CSE1L: variants seen among roughly 807,000 people sequenced by gnomAD.
The protein encoded by CSE1L is chromosome segregation 1 like, also known as exportin-2.
CSE1L carries 24 observed loss-of-function variants against 120.4 expected under a neutral mutation model. That is an observed-to-expected ratio of 0.20 (90% CI 0.14 to 0.28). CSE1L has a LOEUF of 0.28. Ranked by LOEUF, CSE1L falls within the 10% of genes least tolerant of loss-of-function variation. The pLI, the probability that CSE1L is intolerant of heterozygous loss-of-function variation, is 1.00. For synonymous variants in CSE1L, 402 were observed against 398.3 expected (o/e 1.01, Z -0.11); for missense variants, 830 against 1,145.2 (o/e 0.72, Z 3.97).
chr20:49,070,632 C>T (rs1241915173), intron 8 of CSE1L, among the ~76,000 whole-genome samples: 1 of 152,072 alleles, frequency 6.6e-6, no homozygotes, highest in Non-Finnish European at 1.5e-5. Flanking sequence ...ATGGTAGCCC[C>T]TTTTTAAAAA....
At chr20:49,073,177 A>G (rs1048679629) in intron 10 of CSE1L, among the ~76,000 whole-genome samples, 1 of 151,832 alleles carries the variant, frequency 6.6e-6, no homozygotes, top group Admixed American at 6.6e-5. Context: ...ATGCCTGGCT[A>G]ATTTCTTGTA....
chr20:49,067,146 T>TA (rs763312515), intron 5 of CSE1L, 44 bp from the exon 6 acceptor site: 74 of 1,274,270 alleles, frequency 5.8e-5, no homozygotes, highest in Middle Eastern at 1.9e-4. Context: ...AGTGAGTAAA[T>TA]AAAAAAAACT....
At chr20:49,073,422 A>G (rs1340609922) in intron 10 of CSE1L, among the ~76,000 whole-genome samples, 4 of 152,234 alleles carry the variant, frequency 2.6e-5, no homozygotes, top group African/African-American at 7.2e-5. Context: ...CTAAGAGCCT[A>G]TATTTATAAA....
intron 1 of CSE1L, among the ~76,000 whole-genome samples, chr20:49,052,135 T>C (rs1158023776): frequency 1.3e-5 from 2 of 152,246 alleles, no homozygotes; most frequent in African/African-American, 2.4e-5. Context: ...ATGATTGATC[T>C]GAAGGGATAG....
chr20:49,092,710 T>G (rs1218717663), intron 22 of CSE1L, among the ~76,000 whole-genome samples: 2 of 151,948 alleles, frequency 1.3e-5, no homozygotes, highest in Non-Finnish European at 2.9e-5. Flanking sequence ...CAGAAATACC[T>G]AATGTAAATG....
chr20:49,076,171 G>T (rs1291693585), intron 12 of CSE1L, among the ~76,000 whole-genome samples: 1 of 147,572 alleles, frequency 6.8e-6, no homozygotes, highest in African/African-American at 2.5e-5. Context: ...AGCAGGTTGT[G>T]TTTTGTTGTT....
intron 19 of CSE1L, among the ~76,000 whole-genome samples, 168 bp from the exon 20 acceptor site, chr20:49,090,574 C>T (rs527932293): frequency 6.6e-6 from 1 of 152,002 alleles, no homozygotes; most frequent in Admixed American, 6.6e-5. Context: ...AAAAAAATTA[C>T]TTTAATGGCT....
chr20:49,058,633 A>G (rs2123668761), intron 2 of CSE1L, 85 bp downstream of exon 2: 1 of 1,022,754 alleles, frequency 9.8e-7, no homozygotes, highest in East Asian at 2.4e-5. Flanking sequence ...CCTTATAAAT[A>G]TATTTTAAAA....
chr20:49,075,182 C>CT, intron 11 of CSE1L, 136 bp from the exon 12 acceptor site: 1 of 691,588 alleles, frequency 1.4e-6, no homozygotes, highest in Non-Finnish European at 2.3e-6. Flanking sequence ...TTGGGTGGCC[C>CT]TTTGTTTTTC....
At chr20:49,058,867 C>G (rs1355315778) in intron 2 of CSE1L, among the ~76,000 whole-genome samples, 1 of 152,168 alleles carries the variant, frequency 6.6e-6, no homozygotes, top group African/African-American at 2.4e-5. Flanking sequence ...TGCGGTGGCT[C>G]ACACCTGTAA....
At chr20:49,072,794 T>C in intron 10 of CSE1L, 97 bp downstream of exon 10, 1 of 1,172,836 alleles carries the variant, frequency 8.5e-7, no homozygotes, top group East Asian at 2.7e-5. Flanking sequence ...GGATAAAACT[T>C]GTATGTCATT....
Position 49,085,398 on chromosome 20 carries a change from C to T in CSE1L, c.1723+12C>T, listed in dbSNP as rs764490233. 1.1e-5 allele frequency: 18 copies of T among 1,593,086 alleles called. No individual in the cohort carries two copies. Among genetic ancestry groups the T allele is most frequent in the Non-Finnish European group, 1.6e-5 (18 of 1,161,260 alleles). On this transcript the variant is annotated intron_variant, in intron 16 of 24. Coordinates refer to ENST00000262982, the MANE Select transcript of CSE1L (RefSeq NM_001316.4). ...ATATATTATGAAAGGTAGGCTGTTT[C>T]CCTGGTGTGCAGACTACAGGTATCC... is the stretch of plus-strand genomic sequence containing the variant.
chr20:49,092,301 G>A (rs1456847454), intron 22 of CSE1L, among the ~76,000 whole-genome samples, 174 bp downstream of exon 22: 1 of 152,020 alleles, frequency 6.6e-6, no homozygotes, highest in Non-Finnish European at 1.5e-5. Flanking sequence ...TCCTGGCCCA[G>A]CATGGTGGCT....
chr20:49,064,043 A>G (rs2091872012), intron 3 of CSE1L, among the ~76,000 whole-genome samples: 1 of 152,194 alleles, frequency 6.6e-6, no homozygotes, highest in African/African-American at 2.4e-5. Flanking sequence ...ACCAGGGGAC[A>G]TTTGGCAGTA....
intron 16 of CSE1L, among the ~76,000 whole-genome samples, chr20:49,086,546 G>A (rs549356742): frequency 5.3e-5 from 8 of 151,610 alleles, no homozygotes; most frequent in Non-Finnish European, 1.0e-4. Flanking sequence ...TGTATTTTTA[G>A]TAGAGACAGG....
intron 2 of CSE1L, 23 bp from the exon 3 acceptor site, chr20:49,063,179 T>A: frequency 6.6e-7 from 1 of 1,507,392 alleles, no homozygotes; most frequent in South Asian, 1.3e-5. Context: ...TCTTAGTCTT[T>A]TAACATGAAA....
chr20:49,082,391 G>A (rs34312140), intron 14 of CSE1L, among the ~76,000 whole-genome samples: 26 of 152,050 alleles, frequency 1.7e-4, no homozygotes, highest in Non-Finnish European at 3.7e-4. Context: ...TGATCCACCC[G>A]CCTTGGCCTC....
At chr20:49,057,358 A>T (rs956183427) in intron 1 of CSE1L, among the ~76,000 whole-genome samples, 1 of 151,862 alleles carries the variant, frequency 6.6e-6, no homozygotes, top group Non-Finnish European at 1.5e-5. Flanking sequence ...TTGCGATTAC[A>T]TGTTGTACAT....
chr20:49,085,418 G>A (rs1375159720), intron 16 of CSE1L, 32 bp downstream of exon 16: 3 of 1,498,096 alleles, frequency 2.0e-6, no homozygotes, highest in East Asian at 2.3e-5. Context: ...CAGACTACAG[G>A]TATCCAATCT....
Sources: allele counts gnomAD v4.1 joint callset (sites outside exome capture counted in the v4.1 genomes callset), GRCh38; gene constraint gnomAD v4.1.1; transcripts MANE v1.5; gene names NCBI Gene and HGNC (gene_info 2026-07-23, HGNC 2026-07-21).